The following RBFOX1 variants were observed in gnomAD, a reference collection of about 807,000 sequenced individuals.
RBFOX1 encodes RNA binding fox-1 homolog 1.
Under a neutral mutation model 57.7 loss-of-function variants are expected in RBFOX1, and 8 were observed. The ratio of observed to expected loss-of-function variants is 0.14; its 90% CI spans 0.08 to 0.25. The LOEUF is 0.25. Among genes scored for constraint, RBFOX1 ranks in the 10% least tolerant of loss-of-function variants. The pLI is 1.00. For missense variants in RBFOX1, 611 were observed against 548.5 expected, an observed-to-expected ratio of 1.11 and a Z score of -1.14; for synonymous variants, 326 against 222.4, an observed-to-expected ratio of 1.47 and a Z score of -4.15.
At chr16:6,931,602 C>T (rs2076574045) in intron 3 of RBFOX1, among the ~76,000 whole-genome samples, 1 of 152,056 alleles carries the variant, frequency 6.6e-6, no homozygotes. Flanking sequence ...ATATCCCACC[C>T]CACAACCACC....
chr16:6,171,740 C>A (rs577026595), intron 1 of RBFOX1, among the ~76,000 whole-genome samples: 3 of 152,306 alleles, frequency 2.0e-5, no homozygotes, highest in Non-Finnish European at 2.9e-5. Context: ...CGGCATACAT[C>A]TTCAGATGAA....
intron 4 of RBFOX1, among the ~76,000 whole-genome samples, chr16:7,132,453 CA>C (rs2070750973): frequency 1.3e-5 from 1 of 78,374 alleles, no homozygotes; most frequent in Non-Finnish European, 2.8e-5. Context: ...CACACACACA[CA>C]CACACACACA....
chr16:6,967,020 C>G (rs970529580), intron 3 of RBFOX1, among the ~76,000 whole-genome samples: 1 of 152,024 alleles, frequency 6.6e-6, no homozygotes, highest in East Asian at 1.9e-4. Flanking sequence ...CTGTATGTAC[C>G]TATCTACTTA....
intron 2 of RBFOX1, among the ~76,000 whole-genome samples, chr16:6,335,850 G>C (rs557255363): frequency 3.2e-4 from 48 of 149,584 alleles, no homozygotes; most frequent in African/African-American, 1.1e-3. Context: ...AAAATCTGTA[G>C]TAAAGTCAGA....
intron 3 of RBFOX1, among the ~76,000 whole-genome samples, chr16:5,606,490 C>T (rs909100442): frequency 1.3e-5 from 2 of 152,044 alleles, no homozygotes; most frequent in Middle Eastern, 3.2e-3. Flanking sequence ...TCTCACTCAC[C>T]TCCTCTCTCC....
chr16:6,798,916 C>A (rs1053139723), intron 3 of RBFOX1, among the ~76,000 whole-genome samples: 1 of 152,034 alleles, frequency 6.6e-6, no homozygotes. Context: ...AAAATGAATT[C>A]TTGTTTTTAA....
intron 2 of RBFOX1, among the ~76,000 whole-genome samples, chr16:6,528,942 T>C (rs1191681753): frequency 2.0e-5 from 3 of 152,166 alleles, no homozygotes; most frequent in African/African-American, 4.8e-5. Flanking sequence ...CAGGTAAAAT[T>C]ATCCATGTTT....
chr16:5,703,354 C>G (rs1567419585), intron 3 of RBFOX1, among the ~76,000 whole-genome samples: 1 of 152,136 alleles, frequency 6.6e-6, no homozygotes, highest in East Asian at 1.9e-4. Context: ...CAGGGAAGAG[C>G]TGCTGAGGGA....
At chr16:7,278,450 T>C (rs1227609148) in intron 4 of RBFOX1, among the ~76,000 whole-genome samples, 1 of 152,218 alleles carries the variant, frequency 6.6e-6, no homozygotes, top group Non-Finnish European at 1.5e-5. Context: ...ACCATTTAGA[T>C]GATTGACTAA....
At chr16:6,187,768 G>T (rs2097114388) in intron 1 of RBFOX1, among the ~76,000 whole-genome samples, 1 of 152,106 alleles carries the variant, frequency 6.6e-6, no homozygotes, top group African/African-American at 2.4e-5. Context: ...GAGACGGAGG[G>T]GCAGGCTAGG....
chr16:6,545,213 T>C (rs964435131), intron 2 of RBFOX1, among the ~76,000 whole-genome samples: 2 of 152,226 alleles, frequency 1.3e-5, no homozygotes, highest in African/African-American at 4.8e-5. Context: ...CTCCCTCTTT[T>C]CCTTGCCTTC....
At chr16:7,177,801 C>G (rs2081973097) in intron 4 of RBFOX1, among the ~76,000 whole-genome samples, 1 of 152,184 alleles carries the variant, frequency 6.6e-6, no homozygotes, top group African/African-American at 2.4e-5. Context: ...ACAAAAGCCC[C>G]TGTGGACAAT....
rs147876955 is a variant in RBFOX1 at position 6,899,415 on chromosome 16, A to G, written c.-15-152642A>G. ...GGCTCAAAATTTTCATGAAGCATGG[A>G]TACATTACAATTTTTACATTTTTAG... On this transcript the variant is annotated intron_variant, in intron 3 of 15. Transcript: ENST00000550418. Among the ~76,000 whole-genome samples the G allele has an allele frequency of 2.5e-3, 383 of 152,284 alleles. 1 individual carries two copies. The highest frequency in any genetic ancestry group is 8.9e-3 in the African/African-American group (368 of 41,562).
At chr16:6,626,083 C>T (rs936347449) in intron 2 of RBFOX1, among the ~76,000 whole-genome samples, 1 of 151,254 alleles carries the variant, frequency 6.6e-6, no homozygotes, top group African/African-American at 2.4e-5. Flanking sequence ...GAAGTCACAC[C>T]AATATGCGTC....
At chr16:7,001,313 A>G (rs192352721) in intron 3 of RBFOX1, among the ~76,000 whole-genome samples, 1 of 151,962 alleles carries the variant, frequency 6.6e-6, no homozygotes, top group Non-Finnish European at 1.5e-5. Flanking sequence ...GTTCCTGGTC[A>G]ACTTATGTAT....
intron 3 of RBFOX1, among the ~76,000 whole-genome samples, chr16:6,682,082 C>G (rs1313090654): frequency 6.6e-6 from 1 of 152,154 alleles, no homozygotes; most frequent in African/African-American, 2.4e-5. Flanking sequence ...CCCAATAGAA[C>G]AAAATGTCAC....
At chr16:6,329,848 G>C (rs2082796337) in intron 2 of RBFOX1, among the ~76,000 whole-genome samples, 1 of 152,168 alleles carries the variant, frequency 6.6e-6, no homozygotes, top group Non-Finnish European at 1.5e-5. Flanking sequence ...TGAGGTAGGA[G>C]AATCACTTGA....
chr16:6,256,354 A>AG (rs1338483498), intron 1 of RBFOX1, among the ~76,000 whole-genome samples: 1 of 147,494 alleles, frequency 6.8e-6, no homozygotes, highest in African/African-American at 2.5e-5. Context: ...TGGTCCAAGA[A>AG]GGGGAAGAGG....
intron 1 of RBFOX1, among the ~76,000 whole-genome samples, chr16:5,405,827 G>C (rs944867992): frequency 6.6e-6 from 1 of 152,080 alleles, no homozygotes; most frequent in South Asian, 2.1e-4. Context: ...CCCGGGAAAA[G>C]TTTTCTTCCT....
Sources: gnomAD v4.1 joint callset for allele counts (sites outside exome capture counted in the v4.1 genomes callset) on GRCh38, gnomAD v4.1.1 for gene constraint, MANE v1.5 for transcripts, NCBI Gene and HGNC (gene_info 2026-07-23, HGNC 2026-07-21) for gene names.